NAT10: variants seen among roughly 807,000 people sequenced by gnomAD.
NAT10 encodes the protein N-acetyltransferase 10, also known as RNA cytidine acetyltransferase.
Under a neutral mutation model 132.2 loss-of-function variants are expected in NAT10, and 109 were observed. The observed-to-expected ratio is 0.82, with a 90% CI of 0.71 to 0.97. The LOEUF (loss-of-function observed/expected upper bound fraction) is 0.97, where lower values mean the gene tolerates loss of function less well. Among genes scored for constraint, NAT10 ranks in the 50% least tolerant of loss-of-function variants. NAT10 has a pLI of 0.00. For synonymous variants in NAT10, 479 were observed against 478.0 expected, an observed-to-expected ratio of 1.00 and a Z score of -0.03; for missense variants, 1,184 against 1,263.4, an observed-to-expected ratio of 0.94 and a Z score of 0.95.
intron 14 of NAT10, among the ~76,000 whole-genome samples, 192 bp downstream of exon 14, chr11:34,131,723 G>C (rs543653240): frequency 1.6e-5 from 2 of 124,362 alleles, no homozygotes; most frequent in African/African-American, 6.3e-5. Context: ...GTCTCGCTCT[G>C]TCACCAGGCT....
intron 8 of NAT10, among the ~76,000 whole-genome samples, chr11:34,119,186 G>GCA (rs1851840528): frequency 6.6e-6 from 1 of 152,174 alleles, no homozygotes; most frequent in African/African-American, 2.4e-5. Context: ...TCATTGAGGT[G>GCA]GTCTGCACTG....
At chr11:34,111,207 G>C (rs978365183) in intron 3 of NAT10, among the ~76,000 whole-genome samples, 1 of 152,152 alleles carries the variant, frequency 6.6e-6, no homozygotes, top group Admixed American at 6.5e-5. Context: ...CCCCACCCCT[G>C]TCTTAGTCTG....
At chr11:34,139,099 G>A (rs1852272105) in intron 21 of NAT10, 92 bp from the exon 22 acceptor site, 2 of 1,218,792 alleles carry the variant, frequency 1.6e-6, no homozygotes, top group South Asian at 1.2e-5. Flanking sequence ...GAAGCACTAA[G>A]CCTTTCTTCT....
In NAT10 at chr11:34,146,623, C is replaced by A. The variant is rs566520621; in HGVS notation, c.*431C>A. On this transcript the variant is annotated 3_prime_UTR_variant, in exon 29 of 29. Transcript: ENST00000257829. ...GGGCCGCTGGGTCTCTCTTTGTGGA[C>A]TTGTACCTGGAGCAGGAGGAACTCC... 1.2e-3 allele frequency: 183 copies of A among 156,366 alleles called. 1 individual carries two copies. The highest frequency in any genetic ancestry group is 4.2e-3 in the African/African-American group (176 of 41,606). The allele number at this position is 156,366 out of a possible 1,614,324, so 9.7% of individuals were successfully genotyped here. A position where few individuals can be genotyped will look rare whatever the true frequency, so the allele number is the denominator to read the frequency against.
At chr11:34,123,010 AG>A (rs979779770) in intron 9 of NAT10, among the ~76,000 whole-genome samples, 1 of 152,218 alleles carries the variant, frequency 6.6e-6, no homozygotes, top group Non-Finnish European at 1.5e-5. Flanking sequence ...AGCTGGTTTT[AG>A]GTGTGATGTT....
Position 34,127,361 on chromosome 11 carries a change from G to T in NAT10, c.1108-102G>T, listed in dbSNP as rs1852013996. On this transcript the variant is annotated intron_variant, in intron 11 of 28. Transcript: ENST00000257829. Reference sequence around the variant, plus strand: ...AGGAATGAGAGGAGAGAAGGAAACAGGGAGAGAGAGGAAAGAGAACATCCT... The same window carrying T: ...AGGAATGAGAGGAGAGAAGGAAACATGGAGAGAGAGGAAAGAGAACATCCT... The T allele has an allele frequency of 3.2e-6, 4 of 1,268,650 alleles. No homozygotes were observed. In the Admixed American group the frequency reaches 6.5e-5, roughly 20 times the overall value. The allele number at this position is 1,268,650 out of a possible 1,614,324, so 78.6% of individuals were successfully genotyped here. A position where few individuals can be genotyped will look rare whatever the true frequency, so the allele number is the denominator to read the frequency against.
chr11:34,118,870 A>G (rs528614499), intron 8 of NAT10, among the ~76,000 whole-genome samples: 1 of 152,090 alleles, frequency 6.6e-6, no homozygotes, highest in Non-Finnish European at 1.5e-5. Flanking sequence ...TCAACCTCCT[A>G]AGGTGCTGAG....
chr11:34,136,994 G>A lies in NAT10; in HGVS notation c.2179G>A (p.Gly727Arg). 6.2e-7 allele frequency: 1 copy of A among 1,614,206 alleles called. No individual in the cohort carries two copies. The highest frequency in any genetic ancestry group is 8.5e-7 in the Non-Finnish European group (1 of 1,180,044). ...PRLLKFWKRA[G>R]FVPVYLRQTP... ...TCTTTGCAGGTTCTGGAAACGAGCT[G>A]GATTTGTTCCTGTTTATCTGAGACA... Residue 727 changes from glycine (G) to arginine (R), a missense_variant, in exon 21 of 29, where the codon GGA becomes AGA. Physicochemically the swap from Gly to Arg is moderately radical, Grantham distance 125. Coordinates refer to ENST00000257829, the MANE Select transcript of NAT10 (RefSeq NM_024662.3).
rs368112604 is a variant in NAT10, at chr11:34,118,550, G to C, written c.780+47G>C. ...TCCAACACAAAGGTAGTAAAACATA[G>C]CATACGGAGCGTAACAGAAGCCAAG... is the stretch of plus-strand genomic sequence containing the variant. On this transcript the variant is annotated intron_variant, in intron 8 of 28. Transcript: ENST00000257829. 25 of 1,506,104 alleles carry C rather than the reference G, an allele frequency of 1.7e-5. No individual in the cohort carries two copies. The African/African-American group carries it at 3.5e-4, about 21-fold the overall frequency. 93.3% of individuals were successfully genotyped at this position (1,506,104 alleles called of 1,614,324 possible).
At position 34,135,441 on chromosome 11, in the gene NAT10, T is replaced by C. The variant is rs1852191410; in HGVS notation, c.2028+150T>C. The C allele has an allele frequency of 6.2e-6, 4 of 650,190 alleles. No individual in the cohort carries two copies. In the Admixed American group the frequency reaches 1.1e-4, roughly 17 times the overall value. The allele number at this position is 650,190 out of a possible 1,614,324, so 40.3% of individuals were successfully genotyped here. A position where few individuals can be genotyped will look rare whatever the true frequency, so the allele number is the denominator to read the frequency against. On this transcript the variant is annotated intron_variant, in intron 19 of 28. Transcript: ENST00000257829. Reference sequence around the variant, plus strand: ...TTCTCCTACCGAACACTTTAGATCCTCAGATCAGTATCATTGGGATCATCT... The same window carrying C: ...TTCTCCTACCGAACACTTTAGATCCCCAGATCAGTATCATTGGGATCATCT...
At chr11:34,141,338 C>G in intron 25 of NAT10, 130 bp downstream of exon 25, 12 of 1,306,660 alleles carry the variant, frequency 9.2e-6, no homozygotes, top group South Asian at 1.4e-5. Context: ...CACACACACA[C>G]ACACACACAA....
intron 8 of NAT10, among the ~76,000 whole-genome samples, chr11:34,118,737 G>T (rs1590764887): frequency 6.6e-6 from 1 of 152,052 alleles, no homozygotes; most frequent in Admixed American, 6.5e-5. Context: ...TAGAGCAGAT[G>T]AATTATTATT....
chr11:34,110,674 T>C (rs1851680322), intron 3 of NAT10, among the ~76,000 whole-genome samples: 1 of 151,064 alleles, frequency 6.6e-6, no homozygotes, highest in Non-Finnish European at 1.5e-5. Context: ...ATGTTTATCA[T>C]AGGTACTCAG....
chr11:34,143,366 G>A lies in NAT10; in HGVS notation c.2886-79G>A, dbSNP rs1852375429. ...ATGACAGGAAGTGTCTGATAAGAAT[G>A]TTGTCACTGTCGTTATTTTCTCTTA... On this transcript the variant is annotated intron_variant, in intron 27 of 28. Coordinates refer to ENST00000257829, the MANE Select transcript of NAT10 (RefSeq NM_024662.3). 12 of 1,243,800 alleles carry A rather than the reference G, an allele frequency of 9.6e-6. No homozygotes were observed. The South Asian group carries it at 1.6e-4, about 17-fold the overall frequency. 77.0% of individuals were successfully genotyped at this position (1,243,800 alleles called of 1,614,324 possible). A position where few individuals can be genotyped will look rare whatever the true frequency, so the allele number is the denominator to read the frequency against.
chr11:34,108,349 T>A lies in NAT10; in HGVS notation c.108+16T>A. 1 of 1,584,308 alleles carries A rather than the reference T, an allele frequency of 6.3e-7. No individual in the cohort carries two copies. Among genetic ancestry groups the A allele is most frequent in the Non-Finnish European group, 8.7e-7 (1 of 1,153,208 alleles). ...AAAAGATCAGGTATGGCCTGGTAAATGCTTCCTGAATTACTTTTTATCTTG... is the reference window on the plus strand; with the variant it reads ...AAAAGATCAGGTATGGCCTGGTAAAAGCTTCCTGAATTACTTTTTATCTTG... On this transcript the variant is annotated intron_variant, in intron 2 of 28. Coordinates refer to ENST00000257829, the MANE Select transcript of NAT10 (RefSeq NM_024662.3).
chr11:34,142,528 T>C (rs1852355228), intron 27 of NAT10, among the ~76,000 whole-genome samples, 180 bp downstream of exon 27: 1 of 152,078 alleles, frequency 6.6e-6, no homozygotes, highest in South Asian at 2.1e-4. Flanking sequence ...TTTGGAAGAG[T>C]TGGGTTCCGG....
Position 34,131,438 on chromosome 11 carries a change from C to T in NAT10, c.1427C>T (p.Ala476Val), listed in dbSNP as rs1852103359. 7 of 1,613,960 alleles carry T rather than the reference C, an allele frequency of 4.3e-6. No individual in the cohort carries two copies. The highest frequency in any genetic ancestry group is 2.2e-5 in the East Asian group (1 of 44,884). The change falls in exon 14 of 29, where the codon GCA (alanine) becomes GTA (valine). Residue 476 changes from alanine (A) to valine (V), a missense_variant. Physicochemically the swap from Ala to Val is moderately conservative, Grantham distance 64 (BLOSUM62 0). Transcript: ENST00000257829. ...QESIRYAPGD[A>V]VEKWLNDLLC... ...TCAATCCGATACGCCCCTGGGGATGCAGTGGAGAAGTGGCTGAATGACTTG... is the reference window on the plus strand; with the variant it reads ...TCAATCCGATACGCCCCTGGGGATGTAGTGGAGAAGTGGCTGAATGACTTG...
At chr11:34,107,532 CTT>C (rs1851616643) in intron 1 of NAT10, among the ~76,000 whole-genome samples, 1 of 152,142 alleles carries the variant, frequency 6.6e-6, no homozygotes, top group Non-Finnish European at 1.5e-5. Context: ...TCCTTCCAGT[CTT>C]TTTTATTTTT....
At chr11:34,122,299 G>T (rs371822736) in intron 8 of NAT10, among the ~76,000 whole-genome samples, 160 bp from the exon 9 acceptor site, 53 of 152,184 alleles carry the variant, frequency 3.5e-4, no homozygotes, top group African/African-American at 1.1e-3. Flanking sequence ...ATGACCAAGG[G>T]AGTGAGAAGT....
Sources: allele counts gnomAD v4.1 joint callset (sites outside exome capture counted in the v4.1 genomes callset), GRCh38; gene constraint gnomAD v4.1.1; transcripts MANE v1.5; gene names NCBI Gene and HGNC (gene_info 2026-07-23, HGNC 2026-07-21).